PRMT3: variants seen among roughly 807,000 people sequenced by gnomAD.
The protein encoded by PRMT3 is protein arginine methyltransferase 3, also known as protein arginine N-methyltransferase 3.
In PRMT3, 62 loss-of-function variants were observed where a neutral mutation model predicts 71.9. The observed-to-expected ratio is 0.86, with a 90% CI of 0.70 to 1.07. PRMT3 has a LOEUF of 1.07. PRMT3 is among the 50% of genes least tolerant of loss of function. The pLI is 0.00. For missense variants in PRMT3, 663 were observed against 643.0 expected (o/e 1.03, Z -0.34); for synonymous variants, 213 against 220.4 (o/e 0.97, Z 0.30).
At chr11:20,462,964 C>G (rs886226551) in intron 12 of PRMT3, among the ~76,000 whole-genome samples, 2 of 152,000 alleles carry the variant, frequency 1.3e-5, no homozygotes, top group Non-Finnish European at 1.5e-5. Context: ...CTCCCGTGTT[C>G]AAGCGATTCC....
chr11:20,454,569 C>A (rs1343419809), intron 11 of PRMT3, among the ~76,000 whole-genome samples: 3 of 152,040 alleles, frequency 2.0e-5, no homozygotes, highest in Non-Finnish European at 2.9e-5. Context: ...TTAACAGAAT[C>A]AAGAGAAAGA....
chr11:20,508,260 C>G (rs1175271566), intron 15 of PRMT3, 44 bp from the exon 16 acceptor site: 1 of 1,163,806 alleles, frequency 8.6e-7, no homozygotes, highest in Non-Finnish European at 1.3e-6. Flanking sequence ...TTCTGCTACA[C>G]TGTATTCCTT....
intron 11 of PRMT3, 80 bp downstream of exon 11, chr11:20,452,288 T>C: frequency 8.7e-7 from 1 of 1,152,184 alleles, no homozygotes; most frequent in Non-Finnish European, 1.3e-6. Context: ...AAATAAACTA[T>C]GCATGGCTGA....
chr11:20,439,693 T>C (rs1216393878), intron 10 of PRMT3, among the ~76,000 whole-genome samples: 2 of 152,180 alleles, frequency 1.3e-5, no homozygotes, highest in Admixed American at 1.3e-4. Context: ...TTGGAAGACA[T>C]TGTAAAGATG....
At chr11:20,422,598 C>A (rs71488746) in intron 9 of PRMT3, among the ~76,000 whole-genome samples, 2,943 of 152,228 alleles carry the variant, frequency 0.019, 26 homozygotes, top group Non-Finnish European at 0.029. Flanking sequence ...CTAAATCTTG[C>A]CATTTCCTAC....
chr11:20,494,764 A>C (rs898298355), intron 15 of PRMT3, among the ~76,000 whole-genome samples: 1 of 152,246 alleles, frequency 6.6e-6, no homozygotes, highest in Non-Finnish European at 1.5e-5. Flanking sequence ...ATTTCTGCCA[A>C]CTAAAATAAA....
intron 10 of PRMT3, among the ~76,000 whole-genome samples, chr11:20,431,771 A>C (rs925077366): frequency 6.6e-6 from 1 of 152,130 alleles, no homozygotes; most frequent in Admixed American, 6.5e-5. Context: ...TAGTTGAATC[A>C]AAATGTACTT....
chr11:20,389,215 A>T (rs976900985), intron 2 of PRMT3, among the ~76,000 whole-genome samples: 17 of 152,218 alleles, frequency 1.1e-4, no homozygotes, highest in African/African-American at 3.6e-4. Flanking sequence ...AATAAAGAGG[A>T]TTGATCCTCA....
At chr11:20,477,347 G>A (rs1363610810) in intron 13 of PRMT3, among the ~76,000 whole-genome samples, 6 of 151,984 alleles carry the variant, frequency 3.9e-5, no homozygotes, top group Non-Finnish European at 7.4e-5. Context: ...AGGCTGAGGC[G>A]GGCAGATCAC....
chr11:20,432,686 A>G (rs1849680072), intron 10 of PRMT3, among the ~76,000 whole-genome samples: 1 of 152,174 alleles, frequency 6.6e-6, no homozygotes, highest in Non-Finnish European at 1.5e-5. Context: ...CCAACAGTGT[A>G]TAAGAATTCT....
At chr11:20,426,508 ATTC>A (rs1370695411) in intron 9 of PRMT3, among the ~76,000 whole-genome samples, 1 of 152,150 alleles carries the variant, frequency 6.6e-6, no homozygotes, top group Non-Finnish European at 1.5e-5. Flanking sequence ...TTGACATGTT[ATTC>A]TTGATAAAAT....
At chr11:20,461,213 C>G (rs1425295350) in intron 11 of PRMT3, among the ~76,000 whole-genome samples, 1 of 152,130 alleles carries the variant, frequency 6.6e-6, no homozygotes, top group Non-Finnish European at 1.5e-5. Flanking sequence ...CACTGCTGCT[C>G]ACTTTGCCTA....
At chr11:20,485,404 C>T (rs1851047409) in intron 13 of PRMT3, among the ~76,000 whole-genome samples, 1 of 152,038 alleles carries the variant, frequency 6.6e-6, no homozygotes, top group South Asian at 2.1e-4. Flanking sequence ...GCTCTAGGTG[C>T]TCCAGGAATT....
intron 15 of PRMT3, among the ~76,000 whole-genome samples, chr11:20,496,738 C>A (rs1373948351): frequency 2.0e-5 from 3 of 151,994 alleles, no homozygotes; most frequent in Non-Finnish European, 4.4e-5. Context: ...TTACAGTTAC[C>A]AGGTGGTTAT....
chr11:20,427,709 G>A (rs1481125523), intron 10 of PRMT3, among the ~76,000 whole-genome samples: 1 of 152,074 alleles, frequency 6.6e-6, no homozygotes, highest in Non-Finnish European at 1.5e-5. Flanking sequence ...CTGGGTGACA[G>A]AGCGAGACTC....
chr11:20,464,372 T>G, intron 12 of PRMT3, 88 bp from the exon 13 acceptor site: 1 of 1,453,024 alleles, frequency 6.9e-7, no homozygotes, highest in Non-Finnish European at 9.1e-7. Context: ...GAAGTAATGT[T>G]TGTCTGGGTT....
intron 10 of PRMT3, among the ~76,000 whole-genome samples, chr11:20,427,242 C>T (rs1849567566): frequency 6.6e-6 from 1 of 152,066 alleles, no homozygotes; most frequent in African/African-American, 2.4e-5. Context: ...CATGATATTG[C>T]CACCATTATC....
At chr11:20,488,784 C>A (rs544401541) in intron 13 of PRMT3, among the ~76,000 whole-genome samples, 1 of 152,194 alleles carries the variant, frequency 6.6e-6, no homozygotes, top group East Asian at 1.9e-4. Context: ...CACTAAAATA[C>A]CTGAGAAAGT....
rs370574166 is a variant in PRMT3 at position 20,393,015 on chromosome 11, G to A, written c.400+16G>A. On this transcript the variant is annotated intron_variant, in intron 5 of 15. Coordinates refer to ENST00000331079, the MANE Select transcript of PRMT3 (RefSeq NM_005788.4). ...CTTCAATTTGGTAAGATGAACATAA[G>A]TGTATCTCCTTTAATTAACATAAGG... is the stretch of plus-strand genomic sequence containing the variant. The A allele has an allele frequency of 6.7e-7, 1 of 1,485,586 alleles. No individual in the cohort carries two copies. The highest frequency in any genetic ancestry group is 1.4e-5 in the African/African-American group (1 of 72,058). 92.0% of individuals were successfully genotyped at this position (1,485,586 alleles called of 1,614,324 possible). A position where few individuals can be genotyped will look rare whatever the true frequency, so the allele number is the denominator to read the frequency against.
Sources: allele counts gnomAD v4.1 joint callset (sites outside exome capture counted in the v4.1 genomes callset), GRCh38; gene constraint gnomAD v4.1.1; transcripts MANE v1.5; gene names NCBI Gene and HGNC (gene_info 2026-07-23, HGNC 2026-07-21).